CFAP299: variants seen among roughly 807,000 people sequenced by gnomAD.
CFAP299 encodes cilia and flagella associated protein 299.
In CFAP299, 21 loss-of-function variants were observed where a neutral mutation model predicts 27.0. That is an observed-to-expected ratio of 0.78 (90% CI 0.55 to 1.12). The LOEUF is 1.12. CFAP299 is among the 50% of genes most tolerant of loss of function. The pLI is 0.00. For synonymous variants in CFAP299, 104 were observed against 98.1 expected (o/e 1.06, Z -0.36); for missense variants, 310 against 276.6 (o/e 1.12, Z -0.86).
At chr4:80,386,266 G>C (rs574237940) in intron 2 of CFAP299, 2 of 1,211,476 alleles carry the variant, frequency 1.7e-6, no homozygotes, top group African/African-American at 1.5e-5. Flanking sequence ...AGCCAGGTTG[G>C]AGCCCAGCCC....
chr4:80,608,143 T>C (rs1040801916), intron 3 of CFAP299, among the ~76,000 whole-genome samples: 1 of 152,150 alleles, frequency 6.6e-6, no homozygotes, highest in African/African-American at 2.4e-5. Context: ...TATGGGGATA[T>C]TCATGTTAGA....
intron 5 of CFAP299, among the ~76,000 whole-genome samples, chr4:80,956,835 A>G (rs1468826720): frequency 6.6e-6 from 1 of 152,022 alleles, no homozygotes; most frequent in Non-Finnish European, 1.5e-5. Flanking sequence ...AAAGTATTCT[A>G]TGTGTAGAGG....
chr4:80,891,079 T>C (rs1734248877), intron 4 of CFAP299, among the ~76,000 whole-genome samples: 1 of 151,404 alleles, frequency 6.6e-6, no homozygotes, highest in South Asian at 2.1e-4. Flanking sequence ...ATCCCATTTG[T>C]CAATTTTGGC....
At chr4:80,954,874 C>T (rs1177103789) in intron 5 of CFAP299, among the ~76,000 whole-genome samples, 1 of 151,576 alleles carries the variant, frequency 6.6e-6, no homozygotes, top group African/African-American at 2.4e-5. Flanking sequence ...GTGGCAGGCA[C>T]CTGCAGTCCC....
chr4:80,578,552 AAAG>A (rs1170324766), intron 2 of CFAP299, among the ~76,000 whole-genome samples: 2 of 152,154 alleles, frequency 1.3e-5, no homozygotes, highest in Non-Finnish European at 2.9e-5. Flanking sequence ...CATAATAATA[AAAG>A]AAGAACAGTA....
intron 3 of CFAP299, among the ~76,000 whole-genome samples, chr4:80,800,045 A>G (rs1276022826): frequency 1.6e-5 from 1 of 64,062 alleles, no homozygotes; most frequent in Non-Finnish European, 2.6e-5. Flanking sequence ...ATAATAATAT[A>G]TAATAAATGC....
At chr4:80,567,731 T>TTTTATA (rs1190269196) in intron 2 of CFAP299, among the ~76,000 whole-genome samples, 3,272 of 148,808 alleles carry the variant, frequency 0.022, 51 homozygotes, top group South Asian at 0.041. Flanking sequence ...TCTAATGTAT[T>TTTTATA]TATATATATA....
intron 1 of CFAP299, among the ~76,000 whole-genome samples, chr4:80,357,765 A>C (rs1266928317): frequency 1.3e-5 from 2 of 151,098 alleles, no homozygotes; most frequent in Non-Finnish European, 3.0e-5. Flanking sequence ...TATTTTATCA[A>C]TTTTTTCAAG....
intron 3 of CFAP299, among the ~76,000 whole-genome samples, chr4:80,665,758 A>C (rs1183156257): frequency 6.6e-6 from 1 of 152,102 alleles, no homozygotes; most frequent in Non-Finnish European, 1.5e-5. Flanking sequence ...CCTAGGGTGA[A>C]GTGATTAGAT....
intron 3 of CFAP299, among the ~76,000 whole-genome samples, chr4:80,601,419 G>A (rs1385408966): frequency 6.6e-6 from 1 of 152,078 alleles, no homozygotes; most frequent in African/African-American, 2.4e-5. Context: ...AATAAATGCT[G>A]TTAGAGTTTG....
intron 3 of CFAP299, among the ~76,000 whole-genome samples, chr4:80,659,661 C>T (rs146026895): frequency 2.8e-4 from 42 of 152,068 alleles, no homozygotes; most frequent in Non-Finnish European, 5.6e-4. Flanking sequence ...TGAGGGTTAA[C>T]CAGATCACTT....
chr4:80,585,349 T>G (rs1318431722), intron 3 of CFAP299, among the ~76,000 whole-genome samples: 1 of 152,188 alleles, frequency 6.6e-6, no homozygotes, highest in Non-Finnish European at 1.5e-5. Context: ...TATGTTCAGA[T>G]GTTAAGAAGC....
intron 2 of CFAP299, among the ~76,000 whole-genome samples, chr4:80,444,634 C>T (rs1167350426): frequency 1.3e-5 from 2 of 152,142 alleles, no homozygotes; most frequent in Non-Finnish European, 2.9e-5. Context: ...GACTTCATGA[C>T]TAAAACACCA....
intron 2 of CFAP299, among the ~76,000 whole-genome samples, chr4:80,504,017 A>G (rs1731871480): frequency 6.6e-6 from 1 of 152,072 alleles, no homozygotes; most frequent in Non-Finnish European, 1.5e-5. Flanking sequence ...ATTTTATAGG[A>G]TGGTACTTTA....
At chr4:80,704,445 C>T (rs1721702170) in intron 3 of CFAP299, among the ~76,000 whole-genome samples, 1 of 151,498 alleles carries the variant, frequency 6.6e-6, no homozygotes, top group African/African-American at 2.4e-5. Flanking sequence ...TTAAGGAATG[C>T]AGAGTTAAAT....
chr4:80,542,274 G>T (rs1734032958), intron 2 of CFAP299, among the ~76,000 whole-genome samples: 1 of 152,060 alleles, frequency 6.6e-6, no homozygotes, highest in South Asian at 2.1e-4. Flanking sequence ...TCTTTACTTA[G>T]TTTGCATACA....
chr4:80,571,391 C>T lies in CFAP299; in HGVS notation c.243-11702C>T, dbSNP rs115975594. Among the ~76,000 whole-genome samples, 877 of 150,964 alleles carry T rather than the reference C, an allele frequency of 5.8e-3. 5 individuals carry two copies. The highest frequency in any genetic ancestry group is 0.02 in the African/African-American group (820 of 40,576). On this transcript the variant is annotated intron_variant, in intron 2 of 5. Transcript: ENST00000358105. ...GCTAAAGAGAACTGGAGAGAAATAA[C>T]TGACTTTGGTAACTAAATTCTGCAT... is the stretch of plus-strand genomic sequence containing the variant.
chr4:80,607,460 G>A (rs933595140), intron 3 of CFAP299, among the ~76,000 whole-genome samples: 2 of 151,932 alleles, frequency 1.3e-5, no homozygotes, highest in African/African-American at 2.4e-5. Context: ...GAGACCATGA[G>A]AGAGAGAAAG....
At position 80,662,924 on chromosome 4, in the gene CFAP299, G is replaced by A. The variant is rs190684630; in HGVS notation, c.333+79741G>A. ...GTGCTGCAAAAGCCTCATGAGATTAGCAAATTTTAGGTGCTACTTATCATT... is the reference window on the plus strand; with the variant it reads ...GTGCTGCAAAAGCCTCATGAGATTAACAAATTTTAGGTGCTACTTATCATT... On this transcript the variant is annotated intron_variant, in intron 3 of 5. Coordinates refer to ENST00000358105, the MANE Select transcript of CFAP299 (RefSeq NM_152770.3). 2.8e-3 allele frequency among the ~76,000 whole-genome samples: 420 copies of A among 151,892 alleles called. 4 individuals carry two copies. Among genetic ancestry groups the A allele is most frequent in the South Asian group, 0.019 (91 of 4,816 alleles).
Sources: allele counts gnomAD v4.1 joint callset (sites outside exome capture counted in the v4.1 genomes callset), GRCh38; gene constraint gnomAD v4.1.1; transcripts MANE v1.5; gene names NCBI Gene and HGNC (gene_info 2026-07-23, HGNC 2026-07-21).